FOCAD: variants seen among roughly 807,000 people sequenced by gnomAD.
The protein encoded by FOCAD is KIAA1797.
In FOCAD, 198 loss-of-function variants were observed where a neutral mutation model predicts 225.6. The observed-to-expected ratio is 0.88, with a 90% CI of 0.78 to 0.99. The LOEUF is 0.99. Among genes scored for constraint, FOCAD ranks in the 50% least tolerant of loss-of-function variants. FOCAD has a pLI of 0.00. For synonymous variants in FOCAD, 897 were observed against 755.0 expected (o/e 1.19, Z -3.08); for missense variants, 2,713 against 2,123.6 (o/e 1.28, Z -5.46).
In FOCAD at chr9:20,988,354, G is replaced by T; in HGVS notation, c.4929G>T (p.Trp1643Cys). The change falls in exon 41 of 44, where the codon TGG (tryptophan) becomes TGT (cysteine). Residue 1643 changes from tryptophan to cysteine, a missense_variant. Physicochemically the swap from Trp to Cys is radical, Grantham distance 215. Coordinates refer to ENST00000338382, the MANE Select transcript of FOCAD (RefSeq NM_001375567.1). ...CAGGCGTTTTGAAGAGAATGGAGTG[G>T]CTCTTGGAACTGATGGGTTATATTA... is the stretch of plus-strand genomic sequence containing the variant. ...ANTGVLKRME[W>C]LLELMGYIRN... 1 of 1,610,532 alleles carries T rather than the reference G, an allele frequency of 6.2e-7. No homozygotes were observed. The highest frequency in any genetic ancestry group is 1.1e-5 in the South Asian group (1 of 90,752).
intron 35 of FOCAD, among the ~76,000 whole-genome samples, chr9:20,954,453 T>G (rs1300606691): frequency 6.6e-6 from 1 of 152,148 alleles, no homozygotes; most frequent in Non-Finnish European, 1.5e-5. Flanking sequence ...TAAAAACTCT[T>G]AAGGTCAAGT....
At chr9:20,745,680 C>G (rs974130934) in intron 5 of FOCAD, among the ~76,000 whole-genome samples, 1 of 152,116 alleles carries the variant, frequency 6.6e-6, no homozygotes, top group African/African-American at 2.4e-5. Flanking sequence ...ACTGCTTGTT[C>G]CAGAATTCGT....
chr9:20,914,101 CAAA>C (rs35856539), intron 23 of FOCAD, among the ~76,000 whole-genome samples: 1 of 128,150 alleles, frequency 7.8e-6, no homozygotes. Context: ...TCTGTCTTTC[CAAA>C]AAAAAAAAAA....
chr9:20,897,011 C>G (rs1400613806), intron 21 of FOCAD: 2 of 151,728 alleles, frequency 1.3e-5, no homozygotes, highest in Non-Finnish European at 2.9e-5. Flanking sequence ...TCTGGCTATA[C>G]GAGTGGATTA....
At chr9:20,737,844 T>C (rs1286629754) in intron 4 of FOCAD, among the ~76,000 whole-genome samples, 2 of 152,226 alleles carry the variant, frequency 1.3e-5, no homozygotes, top group Non-Finnish European at 2.9e-5. Context: ...TCAGATCCCA[T>C]AGACCTTCAG....
chr9:20,815,123 G>GTTTTTTTTTTTT (rs71334554), intron 11 of FOCAD, among the ~76,000 whole-genome samples: 5 of 85,394 alleles, frequency 5.9e-5, no homozygotes, highest in African/African-American at 9.3e-5. Context: ...ACTTCTCTTT[G>GTTTTTTTTTTTT]TTTTTTTTTT....
intron 2 of FOCAD, among the ~76,000 whole-genome samples, chr9:20,663,581 T>C (rs1199805861): frequency 6.6e-6 from 1 of 152,138 alleles, no homozygotes; most frequent in Admixed American, 6.6e-5. Flanking sequence ...AGACATTTTA[T>C]TAAATGCTAT....
At chr9:20,962,036 T>C (rs1440077387) in intron 35 of FOCAD, among the ~76,000 whole-genome samples, 1 of 152,152 alleles carries the variant, frequency 6.6e-6, no homozygotes, top group Non-Finnish European at 1.5e-5. Flanking sequence ...TAGGCAATGC[T>C]GTAATTCTCT....
At chr9:20,686,763 A>C (rs1822695783) in intron 1 of FOCAD, among the ~76,000 whole-genome samples, 1 of 152,144 alleles carries the variant, frequency 6.6e-6, no homozygotes, top group African/African-American at 2.4e-5. Flanking sequence ...TACTTATATG[A>C]GTATAAGTCT....
chr9:20,923,796 C>G (rs1212550573), intron 25 of FOCAD, 28 bp downstream of exon 25: 2 of 1,549,382 alleles, frequency 1.3e-6, no homozygotes, highest in Admixed American at 1.7e-5. Flanking sequence ...AAACAATTGG[C>G]TTTGATTATG....
intron 27 of FOCAD, among the ~76,000 whole-genome samples, chr9:20,932,247 T>C (rs1835552013): frequency 6.6e-6 from 1 of 152,172 alleles, no homozygotes; most frequent in Non-Finnish European, 1.5e-5. Context: ...TGCTATAGTC[T>C]TGGTTTGGGA....
intron 19 of FOCAD, among the ~76,000 whole-genome samples, chr9:20,879,763 A>G (rs1390407624): frequency 1.3e-5 from 2 of 152,204 alleles, no homozygotes; most frequent in South Asian, 2.1e-4. Flanking sequence ...TACATCAACT[A>G]CACTTAGCCT....
upstream of FOCAD, among the ~76,000 whole-genome samples, chr9:20,681,885 G>A (rs991984019): frequency 6.6e-6 from 1 of 152,136 alleles, no homozygotes; most frequent in African/African-American, 2.4e-5. Context: ...CAAGTTTAAT[G>A]GTCAAGTTTC....
intron 5 of FOCAD, among the ~76,000 whole-genome samples, chr9:20,750,899 G>C (rs1385712933): frequency 6.6e-6 from 1 of 152,148 alleles, no homozygotes; most frequent in Admixed American, 6.6e-5. Context: ...TACAGGGTTT[G>C]TTTGCATCTG....
At chr9:20,995,278 G>GA (rs1303330342) in intron 43 of FOCAD, among the ~76,000 whole-genome samples, 1 of 149,634 alleles carries the variant, frequency 6.7e-6, no homozygotes, top group Non-Finnish European at 1.5e-5. Flanking sequence ...CCTCATCAAG[G>GA]AAAAAAACAT....
rs532610250 is a variant in FOCAD at position 20,919,879 on chromosome 9, T to C, written c.2852+2942T>C. Among the ~76,000 whole-genome samples the C allele has an allele frequency of 2.1e-3, 318 of 151,914 alleles. 2 individuals carry two copies. The highest frequency in any genetic ancestry group is 7.3e-3 in the African/African-American group (301 of 41,432). On this transcript the variant is annotated intron_variant, in intron 24 of 43. Coordinates refer to ENST00000338382, the MANE Select transcript of FOCAD (RefSeq NM_001375567.1). ...AAACCCTAGAAGAAAACCTAGGCAA[T>C]ACCATTCAGGACATAGGCATGGGCA... is the stretch of plus-strand genomic sequence containing the variant.
At chr9:20,709,229 A>C (rs1026077345) in intron 1 of FOCAD, among the ~76,000 whole-genome samples, 1 of 152,134 alleles carries the variant, frequency 6.6e-6, no homozygotes, top group Non-Finnish European at 1.5e-5. Context: ...GAACTTAAAG[A>C]CTTCATTAAA....
chr9:20,975,294 AT>A (rs1840132663), intron 35 of FOCAD, among the ~76,000 whole-genome samples: 1 of 152,104 alleles, frequency 6.6e-6, no homozygotes, highest in African/African-American at 2.4e-5. Context: ...CTGTTTTTCA[AT>A]TTCTAATTAC....
At position 20,782,080 on chromosome 9, in the gene FOCAD, C is replaced by A. The variant is rs202076374; in HGVS notation, c.1197+151C>A. On this transcript the variant is annotated intron_variant, in intron 10 of 43. Coordinates refer to ENST00000338382, the MANE Select transcript of FOCAD (RefSeq NM_001375567.1). ...CTGTTGGAGATCTCAACATATTCTTCTGGACTATAAGAAGGGATAGTAGTC... is the reference window on the plus strand; with the variant it reads ...CTGTTGGAGATCTCAACATATTCTTATGGACTATAAGAAGGGATAGTAGTC... The A allele has an allele frequency of 3.2e-4, 216 of 666,034 alleles. 2 individuals carry two copies. The East Asian group carries it at 5.9e-3, about 18-fold the overall frequency. 41.3% of individuals were successfully genotyped at this position (666,034 alleles called of 1,614,324 possible).
Sources: gnomAD v4.1 joint callset for allele counts (sites outside exome capture counted in the v4.1 genomes callset) on GRCh38, gnomAD v4.1.1 for gene constraint, MANE v1.5 for transcripts, NCBI Gene and HGNC (gene_info 2026-07-23, HGNC 2026-07-21) for gene names.